SLC43A1: variants seen among roughly 807,000 people sequenced by gnomAD.
The protein encoded by SLC43A1 is large neutral amino acids transporter small subunit 3.
In SLC43A1, 31 loss-of-function variants were observed where a neutral mutation model predicts 59.5. That is an observed-to-expected ratio of 0.52 (90% CI 0.39 to 0.70). The LOEUF is 0.70. Ranked by LOEUF, SLC43A1 falls within the 30% of genes least tolerant of loss-of-function variation. SLC43A1 has a pLI of 0.00. For synonymous variants in SLC43A1, 259 were observed against 290.9 expected, an observed-to-expected ratio of 0.89 and a Z score of 1.12; for missense variants, 598 against 717.8, an observed-to-expected ratio of 0.83 and a Z score of 1.91.
chr11:57,488,061 A>ACAC (rs1210652857), intron 13 of SLC43A1, among the ~76,000 whole-genome samples: 4 of 152,146 alleles, frequency 2.6e-5, no homozygotes, highest in Non-Finnish European at 5.9e-5. Context: ...ATGAGACAGG[A>ACAC]CACCACAGAG....
chr11:57,499,793 C>G (rs1484252041), intron 5 of SLC43A1: 1 of 152,380 alleles, frequency 6.6e-6, no homozygotes, highest in Non-Finnish European at 1.5e-5. Context: ...AGGGAGGAGC[C>G]GCTGGACAAG....
chr11:57,492,223 A>C (rs1394784000), intron 8 of SLC43A1, among the ~76,000 whole-genome samples: 1 of 142,016 alleles, frequency 7.0e-6, no homozygotes, highest in Admixed American at 7.4e-5. Flanking sequence ...ATATATATTT[A>C]TTTATTTATT....
chr11:57,491,106 C>T, intron 11 of SLC43A1, 118 bp downstream of exon 11: 1 of 1,271,058 alleles, frequency 7.9e-7, no homozygotes, highest in Non-Finnish European at 1.0e-6. Flanking sequence ...TGGGGAGGTA[C>T]CCCTGATCTC....
chr11:57,485,871 T>C (rs1943714230), intron 14 of SLC43A1, among the ~76,000 whole-genome samples: 4 of 152,238 alleles, frequency 2.6e-5, no homozygotes, highest in Admixed American at 2.6e-4. Flanking sequence ...GCTTGGTAAA[T>C]AGAAGCAGTT....
At chr11:57,512,655 T>C (rs1944578846) in intron 2 of SLC43A1, among the ~76,000 whole-genome samples, 1 of 152,022 alleles carries the variant, frequency 6.6e-6, no homozygotes, top group Non-Finnish European at 1.5e-5. Flanking sequence ...TGTGGGTCCC[T>C]AATAGCCCTC....
At chr11:57,509,385 C>T (rs1215376685) in intron 2 of SLC43A1, among the ~76,000 whole-genome samples, 2 of 151,886 alleles carry the variant, frequency 1.3e-5, no homozygotes, top group African/African-American at 4.8e-5. Flanking sequence ...GTCAGGAGAT[C>T]GAAACCATCC....
intron 2 of SLC43A1, among the ~76,000 whole-genome samples, chr11:57,508,894 A>C (rs1944457436): frequency 6.6e-6 from 1 of 152,124 alleles, no homozygotes; most frequent in Non-Finnish European, 1.5e-5. Flanking sequence ...AGGCAGATGG[A>C]TCACTTGAGG....
At chr11:57,489,784 C>T (rs905004211) in intron 11 of SLC43A1, among the ~76,000 whole-genome samples, 2 of 152,156 alleles carry the variant, frequency 1.3e-5, no homozygotes, top group Admixed American at 6.5e-5. Flanking sequence ...GCTCTCACAC[C>T]GTCTCTCATC....
At chr11:57,508,467 C>T (rs1394603568) in intron 2 of SLC43A1, among the ~76,000 whole-genome samples, 5 of 152,058 alleles carry the variant, frequency 3.3e-5, no homozygotes, top group African/African-American at 7.2e-5. Flanking sequence ...AAGCAGAAAA[C>T]GGACACTTTT....
At chr11:57,511,788 C>G (rs1350246946) in intron 2 of SLC43A1, among the ~76,000 whole-genome samples, 2 of 152,136 alleles carry the variant, frequency 1.3e-5, no homozygotes, top group African/African-American at 2.4e-5. Flanking sequence ...CAGCCAATCA[C>G]AAAAGGCTAC....
At position 57,488,996 on chromosome 11, in the gene SLC43A1, C is replaced by T. The variant is rs2135148153; in HGVS notation, c.1336-7G>A. On this transcript the variant is annotated splice_region_variant and splice_polypyrimidine_tract_variant and intron_variant, in intron 12 of 14. Coordinates refer to ENST00000278426, the MANE Select transcript of SLC43A1 (RefSeq NM_003627.6). Reference sequence around the variant, plus strand: ...GCAGGACAAAGGTCACAAACTAAAACCAAAAAGAGAGAGTGAAGAGGTTAG... The same window carrying T: ...GCAGGACAAAGGTCACAAACTAAAATCAAAAAGAGAGAGTGAAGAGGTTAG... The T allele has an allele frequency of 6.2e-7, 1 of 1,613,658 alleles. No individual in the cohort carries two copies. Among genetic ancestry groups the T allele is most frequent in the Non-Finnish European group, 8.5e-7 (1 of 1,179,574 alleles).
At chr11:57,511,012 A>G (rs1168784275) in intron 2 of SLC43A1, among the ~76,000 whole-genome samples, 6 of 152,074 alleles carry the variant, frequency 3.9e-5, no homozygotes, top group Non-Finnish European at 8.8e-5. Flanking sequence ...TTTTAAGAAT[A>G]TGAAATAGTG....
intron 5 of SLC43A1, 43 bp downstream of exon 5, chr11:57,500,736 A>T: frequency 6.3e-7 from 1 of 1,582,408 alleles, no homozygotes; most frequent in Non-Finnish European, 8.7e-7. Flanking sequence ...CCCTCACCCC[A>T]CTCGGGGGAA....
intron 2 of SLC43A1, among the ~76,000 whole-genome samples, chr11:57,509,911 C>A (rs2135223407): frequency 6.6e-6 from 1 of 152,036 alleles, no homozygotes; most frequent in Middle Eastern, 3.4e-3. Flanking sequence ...AAAGACAACC[C>A]AATAATGGAA....
intron 11 of SLC43A1, 124 bp downstream of exon 11, chr11:57,491,100 G>A (rs1262602514): frequency 8.3e-7 from 1 of 1,209,510 alleles, no homozygotes; most frequent in Non-Finnish European, 1.1e-6. Flanking sequence ...GTAAAATGGG[G>A]AGGTACCCCT....
rs564813059 is a variant in SLC43A1 at position 57,504,856 on chromosome 11, T to G, written c.155-3527A>C. On this transcript the variant is annotated intron_variant, in intron 2 of 14. Transcript: ENST00000278426. ...TTCATTCCTGTTTTATCGATCAGCC[T>G]TTTATGAGTTTGACCAACGAGTTCA... Among the ~76,000 whole-genome samples, 14 of 152,368 alleles carry G rather than the reference T, an allele frequency of 9.2e-5. 1 individual carries two copies. Among genetic ancestry groups the G allele is most frequent in the African/African-American group, 3.1e-4 (13 of 41,580 alleles).
At chr11:57,511,942 T>G (rs1048165428) in intron 2 of SLC43A1, among the ~76,000 whole-genome samples, 1 of 152,158 alleles carries the variant, frequency 6.6e-6, no homozygotes, top group Non-Finnish European at 1.5e-5. Context: ...GTACTGCTAA[T>G]GGTACAGAGT....
Position 57,513,986 on chromosome 11 carries a change from G to T in SLC43A1, c.126C>A (p.Asn42Lys). ...GGCACGTGCTGGAATAGAAGCCCTC[G>T]TTCTTCAGAATGATCAACAGGGAGC... is the stretch of plus-strand genomic sequence containing the variant. ...GWGSLLIILK[N>K]EGFYSSTCPA... Residue 42 changes from asparagine to lysine, a missense_variant, in exon 2 of 15, where the codon AAC (asparagine) becomes AAA (lysine). Coordinates refer to ENST00000278426, the MANE Select transcript of SLC43A1 (RefSeq NM_003627.6). 2 of 1,452,660 alleles carry T rather than the reference G, an allele frequency of 1.4e-6. No homozygotes were observed. Among genetic ancestry groups the T allele is most frequent in the Non-Finnish European group, 1.9e-6 (2 of 1,080,214 alleles). 90.0% of individuals were successfully genotyped at this position (1,452,660 alleles called of 1,614,324 possible). A position where few individuals can be genotyped will look rare whatever the true frequency, so the allele number is the denominator to read the frequency against.
intron 11 of SLC43A1, among the ~76,000 whole-genome samples, chr11:57,490,390 T>C (rs1190505145): frequency 2.6e-5 from 4 of 151,930 alleles, no homozygotes; most frequent in Non-Finnish European, 4.4e-5. Flanking sequence ...GGTATTCCCC[T>C]GCTTTGTCCA....
Sources: gnomAD v4.1 joint callset for allele counts (sites outside exome capture counted in the v4.1 genomes callset) on GRCh38, gnomAD v4.1.1 for gene constraint, MANE v1.5 for transcripts, NCBI Gene and HGNC (gene_info 2026-07-23, HGNC 2026-07-21) for gene names.